The following PCOLCE2 variants were observed in gnomAD, a reference collection of about 807,000 sequenced individuals.
PCOLCE2 encodes procollagen C-endopeptidase enhancer 2.
Under a neutral mutation model 47.0 loss-of-function variants are expected in PCOLCE2, and 42 were observed. The observed-to-expected ratio is 0.89, with a 90% CI of 0.70 to 1.16. The LOEUF (loss-of-function observed/expected upper bound fraction) is 1.16, where lower values mean the gene tolerates loss of function less well. Among genes scored for constraint, PCOLCE2 ranks in the 50% most tolerant of loss-of-function variants. The pLI is 0.00. For missense variants in PCOLCE2, 500 were observed against 526.1 expected (o/e 0.95, Z 0.49); for synonymous variants, 169 against 191.7 (o/e 0.88, Z 0.98).
chr3:142,845,350 T>C (rs1691007290), intron 3 of PCOLCE2, among the ~76,000 whole-genome samples: 1 of 152,246 alleles, frequency 6.6e-6, no homozygotes, highest in African/African-American at 2.4e-5. Flanking sequence ...TTGTCAAACA[T>C]ATTACATCAT....
rs774144010 is a variant in PCOLCE2 at position 142,818,311 on chromosome 3, A to C, written c.*24T>G. 4 of 1,607,858 alleles carry C rather than the reference A, an allele frequency of 2.5e-6. No individual in the cohort carries two copies. In the South Asian group the frequency reaches 4.4e-5, roughly 18 times the overall value. ...TCTTTCAAAGGCAATGGCAGAATAC[A>C]GCTTAAATGGACACAGTTCACTGTT... On this transcript the variant is annotated 3_prime_UTR_variant, in exon 9 of 9. Coordinates refer to ENST00000295992, the MANE Select transcript of PCOLCE2 (RefSeq NM_013363.4).
At chr3:142,855,867 G>A (rs955046929) in intron 2 of PCOLCE2, among the ~76,000 whole-genome samples, 10 of 152,160 alleles carry the variant, frequency 6.6e-5, no homozygotes, top group African/African-American at 2.4e-4. Context: ...TGCACTGGAC[G>A]GTGAAGGGAA....
Position 142,823,569 on chromosome 3 carries a change from C to T in PCOLCE2, c.912G>A (p.Thr304=), listed in dbSNP as rs767520178. The T allele has an allele frequency of 7.4e-6, 12 of 1,611,278 alleles. No homozygotes were observed. In the East Asian group the frequency reaches 8.9e-5, roughly 12 times the overall value. The part of the protein sequence containing the change: ...VALCQQKCRR[T]GTLEGNYCSS... ...AACAATAATTGCCCTCCAGAGTCCC[C>T]GTCCGTCTACACTTTTGTTGACACA... The change falls in exon 7 of 9, where the codon ACG becomes ACA. Residue 304 remains threonine (T), a synonymous_variant. Coordinates refer to ENST00000295992, the MANE Select transcript of PCOLCE2 (RefSeq NM_013363.4).
At chr3:142,876,793 A>G (rs1933505578) in intron 2 of PCOLCE2, among the ~76,000 whole-genome samples, 1 of 152,108 alleles carries the variant, frequency 6.6e-6, no homozygotes, top group African/African-American at 2.4e-5. Flanking sequence ...GCAGCTTCTT[A>G]TGTTCTTGCC....
intron 2 of PCOLCE2, among the ~76,000 whole-genome samples, chr3:142,871,010 C>G (rs1933377815): frequency 1.3e-5 from 2 of 152,198 alleles, no homozygotes; most frequent in Admixed American, 1.3e-4. Flanking sequence ...TAATGTATAG[C>G]TGAGCTTAAC....
At chr3:142,864,866 T>C (rs1345138934) in intron 2 of PCOLCE2, among the ~76,000 whole-genome samples, 6 of 152,248 alleles carry the variant, frequency 3.9e-5, no homozygotes, top group Non-Finnish European at 7.3e-5. Flanking sequence ...TAATATTCCA[T>C]TGTATGAATA....
chr3:142,841,177 T>C (rs965544292), intron 4 of PCOLCE2, among the ~76,000 whole-genome samples: 1 of 152,092 alleles, frequency 6.6e-6, no homozygotes, highest in Non-Finnish European at 1.5e-5. Context: ...CAAATGATGG[T>C]AAGGTAATTC....
At chr3:142,824,905 G>T (rs1475361220) in intron 6 of PCOLCE2, among the ~76,000 whole-genome samples, 6 of 152,164 alleles carry the variant, frequency 3.9e-5, no homozygotes, top group African/African-American at 1.4e-4. Context: ...TGGGATTACA[G>T]GTGTAAGCCA....
chr3:142,825,103 T>C (rs1271355848), intron 6 of PCOLCE2, among the ~76,000 whole-genome samples: 1 of 152,220 alleles, frequency 6.6e-6, no homozygotes, highest in Non-Finnish European at 1.5e-5. Flanking sequence ...AGACATACCA[T>C]TGTTCCAGAA....
chr3:142,830,633 T>C lies in PCOLCE2; in HGVS notation c.711-787A>G, dbSNP rs556951045. On this transcript the variant is annotated intron_variant, in intron 5 of 8. Transcript: ENST00000295992. The stretch of plus-strand genomic sequence containing the variant: ...TAATTTTAGGAGCTTCCTGGTTAGC[T>C]GGCACTAAAGATTTAGTGGAGATGG... Among the ~76,000 whole-genome samples the C allele has an allele frequency of 1.4e-3, 207 of 152,322 alleles. 1 individual carries two copies. The highest frequency in any genetic ancestry group is 4.7e-3 in the African/African-American group (195 of 41,578).
intron 2 of PCOLCE2, among the ~76,000 whole-genome samples, chr3:142,865,336 T>A (rs894824946): frequency 3.9e-5 from 6 of 152,156 alleles, no homozygotes; most frequent in African/African-American, 1.4e-4. Context: ...TTTTAAATTG[T>A]CAACCCTAAA....
chr3:142,844,958 AGAC>A lies in PCOLCE2; in HGVS notation c.449-1913_449-1911del, dbSNP rs545207372. ...CTTTGTATTTCAAGTGCTTTCTTGT[AGAC>A]AACATATAGTTGGGTCTGGCTTTTC... On this transcript the variant is annotated intron_variant, in intron 3 of 8. Coordinates refer to ENST00000295992, the MANE Select transcript of PCOLCE2 (RefSeq NM_013363.4). Among the ~76,000 whole-genome samples the A allele has an allele frequency of 1.1e-3, 169 of 152,294 alleles. 1 individual carries two copies. The highest frequency in any genetic ancestry group is 3.7e-3 in the African/African-American group (154 of 41,580).
intron 2 of PCOLCE2, among the ~76,000 whole-genome samples, chr3:142,857,495 A>G (rs553187722): frequency 6.6e-6 from 1 of 152,376 alleles, no homozygotes; most frequent in South Asian, 2.1e-4. Context: ...TACCAAGCCC[A>G]TCCTAGATTA....
Position 142,838,735 on chromosome 3 carries a change from T to C in PCOLCE2, c.710+35A>G, listed in dbSNP as rs200458276. ...TGAACAAGAAACAAGTTTAGAGCCA[T>C]AAAACTATTAAAGACATAAATAGGT... On this transcript the variant is annotated intron_variant, in intron 5 of 8. Transcript: ENST00000295992. The C allele has an allele frequency of 3.2e-3, 5,036 of 1,581,694 alleles. 18 individuals are homozygous for C. The highest frequency in any genetic ancestry group is 4.1e-3 in the Non-Finnish European group (4,682 of 1,153,610).
intron 2 of PCOLCE2, among the ~76,000 whole-genome samples, chr3:142,871,634 T>G (rs1439980036): frequency 1.3e-5 from 2 of 152,190 alleles, no homozygotes; most frequent in African/African-American, 4.8e-5. Flanking sequence ...AACTGAGGTT[T>G]CCCTGAGGAA....
chr3:142,833,213 A>C (rs1379101430), intron 5 of PCOLCE2, among the ~76,000 whole-genome samples: 1 of 152,064 alleles, frequency 6.6e-6, no homozygotes, highest in Non-Finnish European at 1.5e-5. Context: ...TTTTGAGACA[A>C]GGTCTCACTC....
At chr3:142,873,150 T>A (rs192979386) in intron 2 of PCOLCE2, among the ~76,000 whole-genome samples, 14 of 152,258 alleles carry the variant, frequency 9.2e-5, no homozygotes, top group African/African-American at 3.4e-4. Context: ...CCAAGCACTT[T>A]GGGAGGCTGA....
At chr3:142,863,545 CACAGACG>C (rs569602309) in intron 2 of PCOLCE2, among the ~76,000 whole-genome samples, 1,820 of 152,204 alleles carry the variant, frequency 0.012, 21 homozygotes, top group Non-Finnish European at 0.017. Flanking sequence ...CGTCTGAGGC[CACAGACG>C]ACTGTCTTAC....
In PCOLCE2 at chr3:142,818,964, T is replaced by C. The variant is rs116206682; in HGVS notation, c.1118-499A>G. Among the ~76,000 whole-genome samples, 840 of 152,340 alleles carry C rather than the reference T, an allele frequency of 5.5e-3. 5 individuals carry two copies. Among genetic ancestry groups the C allele is most frequent in the Non-Finnish European group, 8.5e-3 (577 of 68,012 alleles). On this transcript the variant is annotated intron_variant, in intron 8 of 8. Coordinates refer to ENST00000295992, the MANE Select transcript of PCOLCE2 (RefSeq NM_013363.4). ...TCCTCGAGGGGCCTCCAGGGCTCCATGATGGGCCATCCTCAGATGGCTTCT... is the reference window on the plus strand; with the variant it reads ...TCCTCGAGGGGCCTCCAGGGCTCCACGATGGGCCATCCTCAGATGGCTTCT...
Sources: allele counts gnomAD v4.1 joint callset (sites outside exome capture counted in the v4.1 genomes callset), GRCh38; gene constraint gnomAD v4.1.1; transcripts MANE v1.5; gene names NCBI Gene and HGNC (gene_info 2026-07-23, HGNC 2026-07-21).